GLT1D1: variants seen among roughly 807,000 people sequenced by gnomAD.
The protein encoded by GLT1D1 is glycosyltransferase 1 domain containing 1, also known as glycosyltransferase 1 domain-containing protein 1.
In GLT1D1, 21 loss-of-function variants were observed where a neutral mutation model predicts 28.7. The observed-to-expected ratio is 0.73, with a 90% CI of 0.52 to 1.05. GLT1D1 has a LOEUF of 1.05. Among genes scored for constraint, GLT1D1 ranks in the 50% least tolerant of loss-of-function variants. GLT1D1 has a pLI of 0.00. For missense variants in GLT1D1, 343 were observed against 330.6 expected (o/e 1.04, Z -0.29); for synonymous variants, 147 against 124.8 (o/e 1.18, Z -1.19).
At chr12:128,872,610 A>G (rs1305854983) in intron 1 of GLT1D1, among the ~76,000 whole-genome samples, 1 of 152,138 alleles carries the variant, frequency 6.6e-6, no homozygotes, top group Admixed American at 6.5e-5. Flanking sequence ...ACGCTCAGCC[A>G]TTAGTTGATT....
At chr12:128,933,594 G>T (rs1363033322) in intron 4 of GLT1D1, among the ~76,000 whole-genome samples, 2 of 152,126 alleles carry the variant, frequency 1.3e-5, no homozygotes, top group African/African-American at 4.8e-5. Flanking sequence ...CTGTGTGTGG[G>T]TCCGTGGGTG....
chr12:128,941,228 G>A (rs559690974), intron 4 of GLT1D1, among the ~76,000 whole-genome samples: 61 of 152,292 alleles, frequency 4.0e-4, no homozygotes, highest in Non-Finnish European at 9.0e-4. Flanking sequence ...TTCATCAGCT[G>A]ATGATCAGGT....
rs568254230 is a variant in GLT1D1 at position 128,913,337 on chromosome 12, A to G, written c.375+14050A>G. Among the ~76,000 whole-genome samples the G allele has an allele frequency of 6.7e-4, 102 of 152,266 alleles. 1 individual carries two copies. The highest frequency in any genetic ancestry group is 2.4e-3 in the African/African-American group (101 of 41,556). On this transcript the variant is annotated intron_variant, in intron 4 of 7. Coordinates refer to ENST00000281703, the MANE Select transcript of GLT1D1 (RefSeq NM_144669.3). ...TGGGTTCAAGCAATTCTCCTGCCTC[A>G]GCCTCCCGAGTAGCTGGGATTACAG...
intron 1 of GLT1D1, among the ~76,000 whole-genome samples, chr12:128,873,919 CTTTT>C (rs1187646884): frequency 3.7e-5 from 4 of 107,358 alleles, no homozygotes; most frequent in Non-Finnish European, 5.8e-5. Context: ...TTCTCTCTTT[CTTTT>C]TCTTTCTTTC....
rs1593051926 is a variant in GLT1D1 at position 128,866,582 on chromosome 12, A to G, written c.69-9332A>G. ...GTTAGCTCTTCATCTTTTCCCCCAC[A>G]GTATCCACGTGGTTCGCTGCCTCAT... On this transcript the variant is annotated intron_variant, in intron 1 of 7. Transcript: ENST00000281703. 2.2e-5 allele frequency among the ~76,000 whole-genome samples: 3 copies of G among 139,148 alleles called. No individual in the cohort carries two copies. In the South Asian group the frequency reaches 6.9e-4, roughly 32 times the overall value. 91.3% of individuals were successfully genotyped at this position (139,148 alleles called of 152,430 possible).
At chr12:128,964,182 G>A (rs1878233439) in intron 7 of GLT1D1, among the ~76,000 whole-genome samples, 1 of 152,162 alleles carries the variant, frequency 6.6e-6, no homozygotes, top group Non-Finnish European at 1.5e-5. Context: ...AGGAGTTCAG[G>A]GCCAGCCTGG....
intron 3 of GLT1D1, among the ~76,000 whole-genome samples, chr12:128,890,595 G>A (rs1868930751): frequency 6.6e-6 from 1 of 152,056 alleles, no homozygotes; most frequent in South Asian, 2.1e-4. Context: ...GACCAGCCTG[G>A]CCAACACGGA....
intron 1 of GLT1D1, among the ~76,000 whole-genome samples, chr12:128,855,618 G>GT (rs146072143): frequency 0.015 from 2,314 of 152,084 alleles, 25 homozygotes; most frequent in Non-Finnish European, 0.026. Context: ...CCGATAGAGG[G>GT]TTCTTGGATC....
intron 4 of GLT1D1, among the ~76,000 whole-genome samples, chr12:128,901,385 G>T (rs1870238707): frequency 6.6e-6 from 1 of 151,798 alleles, no homozygotes; most frequent in Admixed American, 6.6e-5. Flanking sequence ...CTCCCAAAGT[G>T]CTAGGATTAC....
chr12:128,945,438 T>G, intron 5 of GLT1D1, 69 bp downstream of exon 9: 1 of 1,202,686 alleles, frequency 8.3e-7, no homozygotes, highest in Non-Finnish European at 1.2e-6. Context: ...TTACCTGAAC[T>G]CACATTTATC....
At chr12:128,855,834 C>G (rs1413597972) in intron 1 of GLT1D1, among the ~76,000 whole-genome samples, 3 of 146,618 alleles carry the variant, frequency 2.0e-5, no homozygotes, top group Non-Finnish European at 3.0e-5. Flanking sequence ...CTCACTGCAA[C>G]CTCTGCCCCC....
At chr12:128,952,773 CTT>C (rs71072430) in intron 6 of GLT1D1, among the ~76,000 whole-genome samples, 27 of 58,930 alleles carry the variant, frequency 4.6e-4, no homozygotes, top group African/African-American at 1.7e-3. Context: ...CCGTGACTGG[CTT>C]TTTTTTTTTT....
intron 2 of GLT1D1, among the ~76,000 whole-genome samples, chr12:128,876,531 G>T (rs1956875349): frequency 6.6e-6 from 1 of 151,946 alleles, no homozygotes; most frequent in African/African-American, 2.4e-5. Flanking sequence ...GCCCAGGCTG[G>T]TCTTGAATTC....
chr12:128,912,374 C>G, intron 4 of GLT1D1, 50 bp from the exon 5 acceptor site: 3 of 1,254,034 alleles, frequency 2.4e-6, no homozygotes, highest in Non-Finnish European at 3.3e-6. Context: ...AAGCAGTTGT[C>G]ATGCACTGTC....
chr12:128,923,225 A>T (rs1270725452), intron 4 of GLT1D1, among the ~76,000 whole-genome samples: 1 of 152,226 alleles, frequency 6.6e-6, no homozygotes, highest in Non-Finnish European at 1.5e-5. Context: ...TGCTTGAATT[A>T]AATAATGGAC....
intron 1 of GLT1D1, among the ~76,000 whole-genome samples, chr12:128,857,511 C>T (rs1436638426): frequency 6.6e-6 from 1 of 151,672 alleles, no homozygotes; most frequent in Non-Finnish European, 1.5e-5. Flanking sequence ...CATCTTCTGC[C>T]TTGTGAAAGC....
At chr12:128,973,824 A>G (rs2135548130) in intron 7 of GLT1D1, among the ~76,000 whole-genome samples, 1 of 151,910 alleles carries the variant, frequency 6.6e-6, no homozygotes, top group South Asian at 2.1e-4. Flanking sequence ...AGAAGCACAG[A>G]AAATATTCCT....
chr12:128,945,433 T>G lies in GLT1D1; in HGVS notation c.419+64T>G, dbSNP rs947270364. ...AAGCCTGAGTGGCCCCTGGGTTACC[T>G]GAACTCACATTTATCCAGTCCCAGG... On this transcript the variant is annotated intron_variant, in intron 5 of 7. Coordinates refer to ENST00000281703, the MANE Select transcript of GLT1D1 (RefSeq NM_144669.3). 2.4e-6 allele frequency: 3 copies of G among 1,254,628 alleles called. No homozygotes were observed. The African/African-American group carries it at 4.4e-5, about 18-fold the overall frequency. 77.7% of individuals were successfully genotyped at this position (1,254,628 alleles called of 1,614,324 possible). A position where few individuals can be genotyped will look rare whatever the true frequency, so the allele number is the denominator to read the frequency against.
rs529938038 is a variant in GLT1D1 at position 128,929,582 on chromosome 12, T to C, written c.376-15744T>C. Among the ~76,000 whole-genome samples the C allele has an allele frequency of 2.6e-5, 4 of 152,338 alleles. 1 individual carries two copies. The South Asian group carries it at 8.3e-4, about 32-fold the overall frequency. On this transcript the variant is annotated intron_variant, in intron 4 of 7. Transcript: ENST00000281703. Reference sequence around the variant, plus strand: ...GTTCCCTAGGGACCCCAAAAAAGCATGACATGGGAGTTACAAGCTTTTCTC... The same window carrying C: ...GTTCCCTAGGGACCCCAAAAAAGCACGACATGGGAGTTACAAGCTTTTCTC...
Sources: gnomAD v4.1 joint callset for allele counts (sites outside exome capture counted in the v4.1 genomes callset) on GRCh38, gnomAD v4.1.1 for gene constraint, MANE v1.5 for transcripts, NCBI Gene and HGNC (gene_info 2026-07-23, HGNC 2026-07-21) for gene names.